The following ATP13A4 variants were observed in gnomAD, a reference collection of about 807,000 sequenced individuals.
The protein encoded by ATP13A4 is ATPase 13A4, also known as probable cation-transporting ATPase 13A4.
Under a neutral mutation model 142.5 loss-of-function variants are expected in ATP13A4, and 114 were observed. The ratio of observed to expected loss-of-function variants is 0.80; its 90% CI spans 0.69 to 0.93. The LOEUF (loss-of-function observed/expected upper bound fraction) is 0.93. Ranked by LOEUF, ATP13A4 falls within the 40% of genes least tolerant of loss-of-function variation. The pLI, the probability that ATP13A4 is intolerant of heterozygous loss-of-function variation, is 0.00. For synonymous variants in ATP13A4, 488 were observed against 514.8 expected, an observed-to-expected ratio of 0.95 and a Z score of 0.70; for missense variants, 1,392 against 1,454.0, an observed-to-expected ratio of 0.96 and a Z score of 0.69.
rs866156120 is a variant in ATP13A4, at chr3:193,412,265, CTG to C, written c.3119_3120del (p.Thr1040SerfsTer18). ...NSTFTSFENT[T>X]VWFLGTINCI... ...CAGTTGATTGTTCCCAAGAACCAGA[CTG>C]TAGTGTTCTCAAAACTTGTGAAGGT... On this transcript the variant is annotated frameshift_variant, in exon 27 of 30. Coordinates refer to ENST00000342695, the MANE Select transcript of ATP13A4 (RefSeq NM_032279.4). LOFTEE classifies it high-confidence loss of function. The C allele has an allele frequency of 6.2e-7, 1 of 1,613,472 alleles. No individual in the cohort carries two copies. Among genetic ancestry groups the C allele is most frequent in the Non-Finnish European group, 8.5e-7 (1 of 1,179,408 alleles).
intron 21 of ATP13A4, chr3:193,440,125 T>C (rs1030457813): frequency 1.1e-5 from 2 of 179,510 alleles, no homozygotes; most frequent in South Asian, 2.5e-4. Flanking sequence ...ATTTTAGTAT[T>C]TTTAATGTTG....
rs930069397 is a variant in ATP13A4, at chr3:193,489,684, A to T, written c.738+46T>A. 21 of 1,572,114 alleles carry T rather than the reference A, an allele frequency of 1.3e-5. No homozygotes were observed. The African/African-American group carries it at 2.6e-4, about 19-fold the overall frequency. ...TTTCTAACAAATTTTTAATAAAGTC[A>T]TTATCCTTCCCTTTATGAAACCATA... is the stretch of plus-strand genomic sequence containing the variant. On this transcript the variant is annotated intron_variant, in intron 7 of 29. Transcript: ENST00000342695.
chr3:193,414,838 A>C, intron 25 of ATP13A4, 88 bp from the exon 26 acceptor site: 1 of 1,299,184 alleles, frequency 7.7e-7, no homozygotes. Flanking sequence ...TGGCCCATAC[A>C]TTTGAGGAAA....
chr3:193,414,009 G>A (rs913956042), intron 26 of ATP13A4, among the ~76,000 whole-genome samples: 6 of 152,042 alleles, frequency 3.9e-5, no homozygotes, highest in African/African-American at 1.5e-4. Context: ...GGGCATCACG[G>A]TCCTACCGAT....
intron 2 of ATP13A4, among the ~76,000 whole-genome samples, chr3:193,506,427 G>A (rs1437272098): frequency 6.6e-5 from 10 of 152,176 alleles, no homozygotes; most frequent in Non-Finnish European, 8.8e-5. Context: ...AAATTCAAGA[G>A]TGCATTTCAA....
chr3:193,422,005 A>G (rs1433113421), intron 25 of ATP13A4, among the ~76,000 whole-genome samples: 1 of 149,816 alleles, frequency 6.7e-6, no homozygotes, highest in African/African-American at 2.4e-5. Flanking sequence ...GAGTAGCTGA[A>G]TAGATTTTAA....
chr3:193,426,290 C>G (rs1715661189), intron 25 of ATP13A4, among the ~76,000 whole-genome samples: 1 of 151,700 alleles, frequency 6.6e-6, no homozygotes, highest in Admixed American at 6.6e-5. Context: ...TAGAGATAAA[C>G]TTAACCAAGA....
chr3:193,585,100 A>C (rs1325471067), intron 1 of ATP13A4, among the ~76,000 whole-genome samples: 2 of 152,186 alleles, frequency 1.3e-5, no homozygotes, highest in African/African-American at 4.8e-5. Context: ...TAAATTCGCA[A>C]ACTTTGTTAC....
At chr3:193,556,509 G>GTGTGTA (rs869095592), upstream of ATP13A4, among the ~76,000 whole-genome samples, 1 of 151,256 alleles carries the variant, frequency 6.6e-6, no homozygotes, top group African/African-American at 2.4e-5. Context: ...GTGTGTGTGT[G>GTGTGTA]TATATATATA....
In ATP13A4 at chr3:193,455,203, A is replaced by C. The variant is rs547732781; in HGVS notation, c.1916-991T>G. On this transcript the variant is annotated intron_variant, in intron 16 of 29. Transcript: ENST00000342695. The stretch of plus-strand genomic sequence containing the variant: ...AATACAAAAAAAAATTAGCCGGGCG[A>C]GGTGGCGGGAGCCCGTAGTCCCAAC... Among the ~76,000 whole-genome samples, 15 of 152,010 alleles carry C rather than the reference A, an allele frequency of 9.9e-5. No individual in the cohort carries two copies. The East Asian group carries it at 2.9e-3, about 30-fold the overall frequency.
At chr3:193,528,575 T>C (rs1722138520) in intron 1 of ATP13A4, among the ~76,000 whole-genome samples, 1 of 152,094 alleles carries the variant, frequency 6.6e-6, no homozygotes, top group African/African-American at 2.4e-5. Flanking sequence ...AGACCATAAT[T>C]TCTACCTTTT....
In ATP13A4 at chr3:193,430,459, CA is replaced by C. The variant is rs770306363; in HGVS notation, c.2842+3385del. Among the ~76,000 whole-genome samples, 7 of 151,992 alleles carry C rather than the reference CA, an allele frequency of 4.6e-5. No individual in the cohort carries two copies. In the South Asian group the frequency reaches 1.5e-3, roughly 31 times the overall value. ...GAAGCAGGCAAAAAGCTAATGAAAA[CA>C]AAGATAAATATAGTAACTTCAGATT... is the stretch of plus-strand genomic sequence containing the variant. On this transcript the variant is annotated intron_variant, in intron 25 of 29. Transcript: ENST00000342695.
chr3:193,591,400 T>C (rs1724770754), intron 1 of ATP13A4, among the ~76,000 whole-genome samples: 1 of 152,252 alleles, frequency 6.6e-6, no homozygotes, highest in Non-Finnish European at 1.5e-5. Flanking sequence ...AACAGGTCTG[T>C]GGGCTGAATT....
chr3:193,542,309 A>C (rs1016503920), intron 1 of ATP13A4, among the ~76,000 whole-genome samples: 1 of 152,230 alleles, frequency 6.6e-6, no homozygotes, highest in South Asian at 2.1e-4. Flanking sequence ...AACTCTGCCC[A>C]AGGAAATGAG....
At chr3:193,407,457 T>A in intron 28 of ATP13A4, 64 bp from the exon 29 acceptor site, 1 of 1,273,096 alleles carries the variant, frequency 7.9e-7, no homozygotes, top group Non-Finnish European at 1.1e-6. Flanking sequence ...CATGCTCACA[T>A]GTTCACAGCA....
chr3:193,535,543 T>G (rs1263399960), intron 1 of ATP13A4, among the ~76,000 whole-genome samples: 2 of 152,162 alleles, frequency 1.3e-5, no homozygotes, highest in Non-Finnish European at 2.9e-5. Flanking sequence ...AAAGCAGTGC[T>G]GAAACTGAAA....
intron 11 of ATP13A4, among the ~76,000 whole-genome samples, chr3:193,465,346 C>T (rs1406444630): frequency 6.6e-6 from 1 of 152,148 alleles, no homozygotes; most frequent in Admixed American, 6.5e-5. Flanking sequence ...CGCCACCACA[C>T]CTGGCTAATT....
chr3:193,435,565 T>A, intron 24 of ATP13A4, 83 bp downstream of exon 24: 1 of 1,095,992 alleles, frequency 9.1e-7, no homozygotes, highest in Non-Finnish European at 1.4e-6. Flanking sequence ...TTGTACTCTT[T>A]CTTTGAGAGG....
rs1193661259 is a variant in ATP13A4 at position 193,531,271 on chromosome 3, TGAGG to T, written c.61-16404_61-16401del. ...TTGTACACAATAAGGGCTCAATAAG[TGAGG>T]GAGGGAGGGAGGGAGGGAGGGAGGA... On this transcript the variant is annotated intron_variant, in intron 1 of 29. Transcript: ENST00000342695. Among the ~76,000 whole-genome samples the T allele has an allele frequency of 1.7e-3, 135 of 78,286 alleles. 5 individuals are homozygous for T. The East Asian group carries it at 0.037, about 21-fold the overall frequency. The allele number at this position is 78,286 out of a possible 152,430, so 51.4% of individuals were successfully genotyped here. A position where few individuals can be genotyped will look rare whatever the true frequency, so the allele number is the denominator to read the frequency against.
Sources: gnomAD v4.1 joint callset for allele counts (sites outside exome capture counted in the v4.1 genomes callset) on GRCh38, gnomAD v4.1.1 for gene constraint, MANE v1.5 for transcripts, NCBI Gene and HGNC (gene_info 2026-07-23, HGNC 2026-07-21) for gene names.